Variants in IL2RA observed in about 807,000 individuals in gnomAD.
IL2RA encodes the protein interleukin-2 receptor subunit alpha.
IL2RA carries 24 observed loss-of-function variants against 37.8 expected under a neutral mutation model. The ratio of observed to expected loss-of-function variants is 0.63; its 90% CI spans 0.46 to 0.89. The LOEUF is 0.89. Ranked by LOEUF, IL2RA falls within the 40% of genes least tolerant of loss-of-function variation. The probability of loss-of-function intolerance (pLI) is 0.00; values close to 1 mark genes in which losing one functional copy is unlikely to be tolerated. For missense variants in IL2RA, 319 were observed against 348.6 expected, an observed-to-expected ratio of 0.92 and a Z score of 0.68; for synonymous variants, 125 against 114.6, an observed-to-expected ratio of 1.09 and a Z score of -0.58.
At chr10:6,034,934 G>A (rs1011225983) in intron 1 of IL2RA, among the ~76,000 whole-genome samples, 2 of 152,196 alleles carry the variant, frequency 1.3e-5, no homozygotes, top group African/African-American at 2.4e-5. Context: ...GTATTGGCAC[G>A]ATTCTGGATG....
At chr10:6,031,424 A>G (rs570143966) in intron 1 of IL2RA, among the ~76,000 whole-genome samples, 15 of 129,394 alleles carry the variant, frequency 1.2e-4, no homozygotes, top group African/African-American at 4.2e-4. Context: ...ACCAGAATTT[A>G]GCAAGTTAGC....
rs114437515 is a variant in IL2RA at position 6,021,029 on chromosome 10, C to T, written c.583+449G>A. Among the ~76,000 whole-genome samples the T allele has an allele frequency of 6.6e-6, 1 of 152,014 alleles. No individual in the cohort carries two copies. Among genetic ancestry groups the T allele is most frequent in the African/African-American group, 2.4e-5 (1 of 41,380 alleles). On this transcript the variant is annotated intron_variant, in intron 4 of 7. Transcript: ENST00000379959. The surrounding 1 kb of genome is among the most constrained non-coding windows in gnomAD (Gnocchi z 4.9). ...TTACAAGCTCAGCTGGGGAATGGCA[C>T]AAGGGGAAGGAACATGCTGACCGTG...
Position 6,017,320 on chromosome 10 carries a change from T to C in IL2RA, c.794+733A>G, listed in dbSNP as rs916842849. The C allele has an allele frequency of 4.6e-5, 7 of 152,940 alleles. No individual in the cohort carries two copies. The East Asian group carries it at 7.7e-4, about 17-fold the overall frequency. The allele number at this position is 152,940 out of a possible 1,614,324, so 9.5% of individuals were successfully genotyped here. On this transcript the variant is annotated intron_variant, in intron 7 of 7. Transcript: ENST00000379959. ...AGCACAGGATAGGCAAAGCTCAGCA[T>C]AGATGCTGCCCTGGGTCCTCTATAG... is the stretch of plus-strand genomic sequence containing the variant.
Position 6,024,289 on chromosome 10 carries a change from C to T in IL2RA, c.322G>A (p.Glu108Lys). Residue 108 changes from glutamate to lysine, a missense_variant, in exon 3 of 8, where the codon GAA becomes AAA. Coordinates refer to ENST00000379959, the MANE Select transcript of IL2RA (RefSeq NM_000417.3). ...PEEQKERKTTEMQSPMQPVDQ... is the reference protein window; with the variant it reads ...PEEQKERKTTKMQSPMQPVDQ... ...ACTGGCTGCATTGGACTTTGCATTT[C>T]TGTGGTTTTCCTTTCTTTCTGTTCT... 1 of 1,614,180 alleles carries T rather than the reference C, an allele frequency of 6.2e-7. No homozygotes were observed.
chr10:6,016,528 C>CG (rs1839283024), intron 7 of IL2RA, among the ~76,000 whole-genome samples: 1 of 4,044 alleles, frequency 2.5e-4, no homozygotes, highest in Non-Finnish European at 6.0e-4. Flanking sequence ...CTTGGGCTCA[C>CG]CCCAGACATT....
chr10:6,053,389 A>G (rs917808358), intron 1 of IL2RA, among the ~76,000 whole-genome samples: 1 of 152,368 alleles, frequency 6.6e-6, no homozygotes, highest in Middle Eastern at 3.4e-3. Context: ...GAAAGATAGC[A>G]TTTAGGCAAT....
intron 1 of IL2RA, among the ~76,000 whole-genome samples, chr10:6,026,618 T>C (rs894955728): frequency 1.3e-5 from 2 of 152,184 alleles, no homozygotes; most frequent in African/African-American, 4.8e-5. Flanking sequence ...CTCTGGTATC[T>C]CACTAAAGGC....
Position 6,021,615 on chromosome 10 carries a change from T to C in IL2RA, c.446A>G (p.Tyr149Cys). 6.2e-7 allele frequency: 1 copy of C among 1,613,854 alleles called. No homozygotes were observed. The highest frequency in any genetic ancestry group is 8.5e-7 in the Non-Finnish European group (1 of 1,179,934). ...IYHFVVGQMV[Y>C]YQCVQGYRAL... is the part of the protein sequence containing the mutation. ...CCTGTATCCCTGGACGCACTGATAA[T>C]AAACCATCTGCCCCACCACGAAATG... The change falls in exon 4 of 8, where the codon TAT becomes TGT. Residue 149 changes from tyrosine to cysteine, a missense_variant. Tyr to Cys is a radical substitution (Grantham distance 194). Coordinates refer to ENST00000379959, the MANE Select transcript of IL2RA (RefSeq NM_000417.3). The surrounding 1 kb of genome is among the most constrained non-coding windows in gnomAD (Gnocchi z 4.9).
At chr10:6,034,163 C>A (rs1007292968) in intron 1 of IL2RA, among the ~76,000 whole-genome samples, 1 of 152,076 alleles carries the variant, frequency 6.6e-6, no homozygotes. Flanking sequence ...TAAATTAGCC[C>A]GAGTGTCTGA....
rs1015860408 is a variant in IL2RA at position 6,033,057 on chromosome 10, G to C, written c.65-7032C>G. Among the ~76,000 whole-genome samples the C allele has an allele frequency of 3.9e-5, 6 of 152,182 alleles. No homozygotes were observed. The highest frequency in any genetic ancestry group is 1.4e-4 in the African/African-American group (6 of 41,444). On this transcript the variant is annotated intron_variant, in intron 1 of 7. Coordinates refer to ENST00000379959, the MANE Select transcript of IL2RA (RefSeq NM_000417.3). The surrounding 1 kb of genome is among the most constrained non-coding windows in gnomAD (Gnocchi z 4.3). Reference sequence around the variant, plus strand: ...TCTTATGTTACTGGTGGCAGTGTAAGTAATGTAATTACTTTGGAACACTAT... The same window carrying C: ...TCTTATGTTACTGGTGGCAGTGTAACTAATGTAATTACTTTGGAACACTAT...
intron 1 of IL2RA, among the ~76,000 whole-genome samples, chr10:6,040,571 A>G (rs1371705257): frequency 6.6e-6 from 1 of 152,156 alleles, no homozygotes; most frequent in Non-Finnish European, 1.5e-5. Flanking sequence ...TTTCTTAGCC[A>G]TCATTAAATC....
intron 1 of IL2RA, among the ~76,000 whole-genome samples, chr10:6,042,162 A>AAAAAT (rs1472852485): frequency 4.1e-5 from 6 of 148,138 alleles, no homozygotes; most frequent in African/African-American, 1.5e-4. Context: ...AAAAAAAAAA[A>AAAAAT]AAAAAATTCT....
In IL2RA at chr10:6,024,252, C is replaced by T. The variant is rs2132857128; in HGVS notation, c.359G>A (p.Ser120Asn). 3 of 1,611,192 alleles carry T rather than the reference C, an allele frequency of 1.9e-6. No homozygotes were observed. Residue 120 changes from serine to asparagine, a missense_variant, in exon 3 of 8, where the codon AGC becomes AAC. Physicochemically the swap from Ser to Asn is conservative, Grantham distance 46. Coordinates refer to ENST00000379959, the MANE Select transcript of IL2RA (RefSeq NM_000417.3). ...ACAGATTCATCTCTCACCTGGAAGG[C>T]TCGCTTGGTCCACTGGCTGCATTGG... is the stretch of plus-strand genomic sequence containing the variant. ...QSPMQPVDQASLPGHCREPPP... is the reference protein window; with the variant it reads ...QSPMQPVDQANLPGHCREPPP...
At chr10:6,038,513 T>C (rs529871437) in intron 1 of IL2RA, among the ~76,000 whole-genome samples, 15 of 152,286 alleles carry the variant, frequency 9.8e-5, no homozygotes, top group African/African-American at 3.4e-4. Flanking sequence ...AAGCAAGAGA[T>C]TGAGGTTCAG....
rs1839637865 is a variant in IL2RA at position 6,033,736 on chromosome 10, A to C, written c.65-7711T>G. ...TCATTTATATGAAGTTCACAAAAAG[A>C]CAAAAGTTATATCCAGAGATAGAAA... On this transcript the variant is annotated intron_variant, in intron 1 of 7. Transcript: ENST00000379959. The surrounding 1 kb of genome is among the most constrained non-coding windows in gnomAD (Gnocchi z 4.3). Among the ~76,000 whole-genome samples, 1 of 152,240 alleles carries C rather than the reference A, an allele frequency of 6.6e-6. No homozygotes were observed. The highest frequency in any genetic ancestry group is 2.4e-5 in the African/African-American group (1 of 41,450).
rs1402112972 is a variant in IL2RA at position 6,054,771 on chromosome 10, A to G, written c.64+7317T>C. ...CTGAGAATTTTTTTTCTAGTTCTCCAGGTAGCATGTTACTCTCCCTATTCT... is the reference window on the plus strand; with the variant it reads ...CTGAGAATTTTTTTTCTAGTTCTCCGGGTAGCATGTTACTCTCCCTATTCT... On this transcript the variant is annotated intron_variant, in intron 1 of 7. Coordinates refer to ENST00000379959, the MANE Select transcript of IL2RA (RefSeq NM_000417.3). The surrounding 1 kb of genome is among the most constrained non-coding windows in gnomAD (Gnocchi z 4.5). 6.6e-6 allele frequency among the ~76,000 whole-genome samples: 1 copy of G among 152,150 alleles called. No homozygotes were observed. The highest frequency in any genetic ancestry group is 1.5e-5 in the Non-Finnish European group (1 of 68,014).
chr10:6,012,001 C>A lies in IL2RA; in HGVS notation c.*871G>T, dbSNP rs1351508542. 2 of 152,364 alleles carry A rather than the reference C, an allele frequency of 1.3e-5. No individual in the cohort carries two copies. Among genetic ancestry groups the A allele is most frequent in the Non-Finnish European group, 2.9e-5 (2 of 68,048 alleles). The allele number at this position is 152,364 out of a possible 1,614,324, so 9.4% of individuals were successfully genotyped here. ...CAGGAAACGTACGCATTGATTTGCA[C>A]CTTGTGTGTCCACCTGTAAACATCA... On this transcript the variant is annotated 3_prime_UTR_variant, in exon 8 of 8. Transcript: ENST00000379959. The surrounding 1 kb of genome is among the most constrained non-coding windows in gnomAD (Gnocchi z 4.8).
chr10:6,055,317 C>A (rs1334907811), intron 1 of IL2RA, among the ~76,000 whole-genome samples: 1 of 151,938 alleles, frequency 6.6e-6, no homozygotes, highest in Non-Finnish European at 1.5e-5. Flanking sequence ...ATCCTAAGTG[C>A]GATTTGGAAG....
At chr10:6,026,915 G>A (rs758089984) in intron 1 of IL2RA, among the ~76,000 whole-genome samples, 20 of 152,084 alleles carry the variant, frequency 1.3e-4, no homozygotes, top group Non-Finnish European at 2.4e-4. Context: ...TTGTGTATTG[G>A]TCATTCAGGT....
Sources: allele counts gnomAD v4.1 joint callset (sites outside exome capture counted in the v4.1 genomes callset), GRCh38; gene constraint gnomAD v4.1.1; non-coding constraint Gnocchi (gnomAD v3.1); transcripts MANE v1.5; gene names NCBI Gene and HGNC (gene_info 2026-07-23, HGNC 2026-07-21).